Variants in COG5 observed in about 807,000 individuals in gnomAD.
The protein encoded by COG5 is conserved oligomeric Golgi complex subunit 5.
COG5 carries 86 observed loss-of-function variants against 110.4 expected under a neutral mutation model. The ratio of observed to expected loss-of-function variants is 0.78; its 90% CI spans 0.65 to 0.93. The LOEUF is 0.93. COG5 is among the 40% of genes least tolerant of loss of function. The pLI, the probability that COG5 is intolerant of heterozygous loss-of-function variation, is 0.00. For synonymous variants in COG5, 360 were observed against 334.6 expected (o/e 1.08, Z -0.83); for missense variants, 1,077 against 987.0 (o/e 1.09, Z -1.22).
intron 6 of COG5, among the ~76,000 whole-genome samples, chr7:107,466,018 G>C (rs1483731096): frequency 1.3e-5 from 2 of 151,982 alleles, no homozygotes; most frequent in African/African-American, 4.8e-5. Context: ...ATTTGATTCT[G>C]CATAACTTAA....
chr7:107,522,654 G>A (rs960948714), intron 6 of COG5, among the ~76,000 whole-genome samples: 14 of 152,110 alleles, frequency 9.2e-5, no homozygotes, highest in African/African-American at 3.4e-4. Flanking sequence ...AAAATCTTCT[G>A]AGTCTCCTAC....
chr7:107,497,795 A>G (rs2129133560), intron 6 of COG5, among the ~76,000 whole-genome samples: 1 of 152,304 alleles, frequency 6.6e-6, no homozygotes, highest in South Asian at 2.1e-4. Context: ...AAAAAAATCT[A>G]AAATTCATAT....
At chr7:107,267,785 G>A (rs1384965904) in intron 14 of COG5, among the ~76,000 whole-genome samples, 1 of 152,098 alleles carries the variant, frequency 6.6e-6, no homozygotes, top group Non-Finnish European at 1.5e-5. Flanking sequence ...GCCGGGCATG[G>A]TGGCTTACAC....
chr7:107,323,578 A>T (rs955253340), intron 11 of COG5, among the ~76,000 whole-genome samples: 4 of 152,190 alleles, frequency 2.6e-5, no homozygotes, highest in Non-Finnish European at 4.4e-5. Flanking sequence ...TAAATGGAGT[A>T]AATGGATCCT....
chr7:107,265,403 G>T (rs150833251), intron 14 of COG5, among the ~76,000 whole-genome samples: 2 of 151,992 alleles, frequency 1.3e-5, no homozygotes, highest in Non-Finnish European at 2.9e-5. Flanking sequence ...TCAGCTTCCC[G>T]AGTAGCTGGG....
intron 10 of COG5, among the ~76,000 whole-genome samples, chr7:107,352,766 T>C (rs910448234): frequency 7.2e-5 from 11 of 152,208 alleles, no homozygotes. Context: ...AAATGCTGAA[T>C]GCTCTCCAAA....
At chr7:107,308,578 T>TTA (rs1206169987) in intron 11 of COG5, among the ~76,000 whole-genome samples, 1 of 152,158 alleles carries the variant, frequency 6.6e-6, no homozygotes, top group African/African-American at 2.4e-5. Context: ...CATTCTGCAT[T>TTA]TATTAGAGGC....
intron 5 of COG5, among the ~76,000 whole-genome samples, chr7:107,536,192 C>T (rs115913987): frequency 0.018 from 2,723 of 151,294 alleles, 72 homozygotes; most frequent in African/African-American, 0.062. Flanking sequence ...CCATAGCATT[C>T]CCTTTGAAAA....
At chr7:107,522,305 C>T (rs1800386228) in intron 6 of COG5, among the ~76,000 whole-genome samples, 1 of 152,122 alleles carries the variant, frequency 6.6e-6, no homozygotes, top group Non-Finnish European at 1.5e-5. Flanking sequence ...CCTGTCTCTA[C>T]TAAAAATACA....
chr7:107,236,428 T>C lies in COG5; in HGVS notation c.2091+22A>G, dbSNP rs190192998. 333 of 1,543,114 alleles carry C rather than the reference T, an allele frequency of 2.2e-4. 4 individuals are homozygous for C. In the East Asian group the frequency reaches 7.1e-3, roughly 33 times the overall value. On this transcript the variant is annotated intron_variant, in intron 18 of 21. Transcript: ENST00000297135. Reference sequence around the variant, plus strand: ...TATTGAGGCCAAAACATTTTTTCTTTTGTAGTAATTCATCAATGTACCTGT... The same window carrying C: ...TATTGAGGCCAAAACATTTTTTCTTCTGTAGTAATTCATCAATGTACCTGT...
At position 107,442,598 on chromosome 7, in the gene COG5, C is replaced by T. The variant is rs115359219; in HGVS notation, c.539-29966G>A. On this transcript the variant is annotated intron_variant, in intron 6 of 21. Transcript: ENST00000297135. ...CATATATGCCTCTGGCTACATGTTACCTTCTGGAAATACAGTCTCATCTGA... is the reference window on the plus strand; with the variant it reads ...CATATATGCCTCTGGCTACATGTTATCTTCTGGAAATACAGTCTCATCTGA... 3.2e-3 allele frequency among the ~76,000 whole-genome samples: 476 copies of T among 147,838 alleles called. 4 individuals carry two copies. Among genetic ancestry groups the T allele is most frequent in the African/African-American group, 0.011 (453 of 39,938 alleles).
intron 18 of COG5, among the ~76,000 whole-genome samples, chr7:107,232,429 C>G (rs1345371853): frequency 6.6e-6 from 1 of 152,178 alleles, no homozygotes; most frequent in Non-Finnish European, 1.5e-5. Flanking sequence ...TTTTTACATA[C>G]TGAAATTATA....
intron 10 of COG5, among the ~76,000 whole-genome samples, chr7:107,348,710 T>A (rs1162513674): frequency 2.0e-5 from 3 of 152,148 alleles, no homozygotes; most frequent in Admixed American, 6.5e-5. Flanking sequence ...ACGAGACACA[T>A]TTACTTTACC....
At chr7:107,229,034 C>A (rs940687886) in intron 19 of COG5, among the ~76,000 whole-genome samples, 6 of 152,026 alleles carry the variant, frequency 3.9e-5, no homozygotes, top group Admixed American at 2.0e-4. Context: ...GAGAAATCTT[C>A]AACCATTATG....
At chr7:107,503,777 C>G (rs1798790031) in intron 6 of COG5, among the ~76,000 whole-genome samples, 1 of 152,062 alleles carries the variant, frequency 6.6e-6, no homozygotes, top group African/African-American at 2.4e-5. Context: ...GGGCTAAGTT[C>G]TTGATTTGAT....
intron 11 of COG5, among the ~76,000 whole-genome samples, chr7:107,316,522 A>G (rs1360509818): frequency 2.0e-5 from 3 of 152,206 alleles, no homozygotes; most frequent in South Asian, 4.1e-4. Context: ...TGGTTAAGAA[A>G]AGAAAAGCAG....
chr7:107,287,931 G>A (rs1430514536), intron 12 of COG5, among the ~76,000 whole-genome samples: 1 of 152,120 alleles, frequency 6.6e-6, no homozygotes, highest in Admixed American at 6.5e-5. Flanking sequence ...ACAGACATTT[G>A]GTTGTTTCCA....
At chr7:107,222,693 T>C (rs1800028358) in intron 19 of COG5, among the ~76,000 whole-genome samples, 1 of 152,242 alleles carries the variant, frequency 6.6e-6, no homozygotes, top group African/African-American at 2.4e-5. Context: ...GGTGGAATTT[T>C]AAACACTAGC....
intron 11 of COG5, among the ~76,000 whole-genome samples, chr7:107,319,492 G>C (rs1158320582): frequency 1.3e-5 from 2 of 152,136 alleles, no homozygotes; most frequent in Non-Finnish European, 1.5e-5. Flanking sequence ...CAGCTGTCTG[G>C]AAATTGCCAG....
Sources: allele counts gnomAD v4.1 joint callset (sites outside exome capture counted in the v4.1 genomes callset), GRCh38; gene constraint gnomAD v4.1.1; transcripts MANE v1.5; gene names NCBI Gene and HGNC (gene_info 2026-07-23, HGNC 2026-07-21).